MESD: variants seen among roughly 807,000 people sequenced by gnomAD.
MESD encodes the protein mesoderm development LRP chaperone, also known as LRP chaperone MESD.
In MESD, 7 loss-of-function variants were observed where a neutral mutation model predicts 12.9. The ratio of observed to expected loss-of-function variants is 0.54; its 90% confidence interval spans 0.31 to 1.02. The LOEUF (loss-of-function observed/expected upper bound fraction) is 1.02. Ranked by LOEUF, MESD falls within the 50% of genes least tolerant of loss-of-function variation. MESD has a pLI of 0.05. For synonymous variants in MESD, 126 were observed against 115.6 expected, an observed-to-expected ratio of 1.09 and a Z score of -0.58; for missense variants, 342 against 296.7, an observed-to-expected ratio of 1.15 and a Z score of -1.12.
chr15:80,962,693 C>T (rs1451636686), intron 3 of MESD, among the ~76,000 whole-genome samples: 3 of 152,158 alleles, frequency 2.0e-5, no homozygotes, highest in Admixed American at 1.3e-4. Context: ...CACTCAAAAC[C>T]GCACAACTAC....
At chr15:80,972,241 T>G (rs1657960170), downstream of MESD, among the ~76,000 whole-genome samples, 1 of 152,168 alleles carries the variant, frequency 6.6e-6, no homozygotes, top group African/African-American at 2.4e-5. Context: ...CTCTCAGAAT[T>G]CAAGGAAAAC....
At chr15:80,958,654 C>G (rs759895479) in intron 3 of MESD, among the ~76,000 whole-genome samples, 2 of 151,790 alleles carry the variant, frequency 1.3e-5, no homozygotes, top group Non-Finnish European at 2.9e-5. Context: ...TTTTTCATAT[C>G]CAAACACTCA....
At chr15:80,959,614 T>C (rs1231023732) in intron 3 of MESD, among the ~76,000 whole-genome samples, 1 of 152,206 alleles carries the variant, frequency 6.6e-6, no homozygotes, top group Non-Finnish European at 1.5e-5. Context: ...ACACCTGCCA[T>C]AACGGAGAAC....
rs371076353 is a variant in MESD at position 80,989,811 on chromosome 15, G to A, written c.-20C>T. 2.8e-3 allele frequency: 4,399 copies of A among 1,546,080 alleles called. 16 individuals are homozygous for A. The highest frequency in any genetic ancestry group is 3.2e-3 in the Non-Finnish European group (3,633 of 1,151,952). ...CGCCATTTTCGCTGCGCCGCGCAGC[G>A]CCCTAGACGCGCTTACCCGACCTGC... On this transcript the variant is annotated 5_prime_UTR_variant, in exon 1 of 3. Coordinates refer to ENST00000261758, the MANE Select transcript of MESD (RefSeq NM_015154.3).
At chr15:80,970,717 C>G (rs1902269317) in intron 3 of MESD, 2 of 152,162 alleles carry the variant, frequency 1.3e-5, no homozygotes, top group Admixed American at 6.5e-5. Context: ...AGATTTAAAT[C>G]AGAAAGTACT....
chr15:80,972,970 C>CAAGACTGCA (rs946191573), downstream of MESD, among the ~76,000 whole-genome samples: 64 of 152,090 alleles, frequency 4.2e-4, no homozygotes, highest in African/African-American at 1.5e-3. Context: ...TGCAGTGAGC[C>CAAGACTGCA]AAGACTGCAC....
chr15:80,965,753 T>A (rs1203760876), intron 3 of MESD, among the ~76,000 whole-genome samples: 1 of 152,050 alleles, frequency 6.6e-6, no homozygotes, highest in African/African-American at 2.4e-5. Context: ...AGCTGAATAA[T>A]GAGAACACAT....
intron 3 of MESD, among the ~76,000 whole-genome samples, chr15:80,969,779 C>T (rs1455330363): frequency 2.0e-5 from 3 of 152,124 alleles, no homozygotes; most frequent in Non-Finnish European, 2.9e-5. Flanking sequence ...CACTTGAATC[C>T]GGGAGGCGGA....
intron 4 of MESD, chr15:80,949,482 C>T (rs1299102258): frequency 2.2e-5 from 4 of 180,668 alleles, no homozygotes; most frequent in Non-Finnish European, 4.8e-5. Flanking sequence ...TGCCTCTGGC[C>T]GTGTCCACCT....
chr15:80,988,145 C>A (rs909822731), intron 1 of MESD, among the ~76,000 whole-genome samples: 21 of 152,188 alleles, frequency 1.4e-4, no homozygotes, highest in African/African-American at 5.1e-4. Flanking sequence ...AAAGAACTGG[C>A]TCTAAAAGTC....
intron 2 of MESD, 80 bp from the exon 3 acceptor site, chr15:80,979,557 T>G: frequency 6.8e-7 from 1 of 1,466,836 alleles, no homozygotes; most frequent in Non-Finnish European, 9.2e-7. Flanking sequence ...CTGGCACTTA[T>G]CAGTTTATTT....
intron 1 of MESD, among the ~76,000 whole-genome samples, chr15:80,983,587 G>A (rs1165210740): frequency 1.3e-5 from 2 of 152,164 alleles, no homozygotes; most frequent in African/African-American, 2.4e-5. Flanking sequence ...ATTAACAGAT[G>A]AGTAAACAGA....
chr15:80,970,137 A>T (rs1009952291), intron 3 of MESD, among the ~76,000 whole-genome samples: 3 of 152,348 alleles, frequency 2.0e-5, no homozygotes, highest in African/African-American at 7.2e-5. Flanking sequence ...TGTTAATTAA[A>T]ATAATAGCTG....
rs1036378913 is a variant in MESD at position 80,979,439 on chromosome 15, C to T, written c.485G>A (p.Arg162His). 1 of 1,614,156 alleles carries T rather than the reference C, an allele frequency of 6.2e-7. No individual in the cohort carries two copies. Among genetic ancestry groups the T allele is most frequent in the Non-Finnish European group, 8.5e-7 (1 of 1,180,036 alleles). ...VGSDRAIFML[R>H]DGSYAWEIKD... is the part of the protein sequence containing the mutation. The stretch of plus-strand genomic sequence containing the variant: ...GATCTCCCAGGCGTAGCTCCCATCG[C>T]GAAGCATGAAGATAGCACGGTCTGA... Residue 162 changes from arginine (R) to histidine (H), a missense_variant, in exon 3 of 3, where the codon CGC becomes CAC. Transcript: ENST00000261758.
At chr15:80,967,512 G>A (rs893075181) in intron 3 of MESD, among the ~76,000 whole-genome samples, 9 of 152,140 alleles carry the variant, frequency 5.9e-5, no homozygotes, top group Non-Finnish European at 1.0e-4. Flanking sequence ...TATAGAAGAG[G>A]TAAGGCCCAG....
At position 80,979,164 on chromosome 15, in the gene MESD, G is replaced by T; in HGVS notation, c.*55C>A. ...GAGACCACTCCCACCCCAGGAGCTG[G>T]GCAAAGAGCTCTCCACGTCCACCTG... On this transcript the variant is annotated 3_prime_UTR_variant, in exon 3 of 3. Transcript: ENST00000261758. The T allele has an allele frequency of 6.4e-7, 1 of 1,569,810 alleles. No homozygotes were observed.
intron 3 of MESD, among the ~76,000 whole-genome samples, chr15:80,960,825 T>A (rs1902071912): frequency 1.3e-5 from 2 of 152,196 alleles, no homozygotes; most frequent in Admixed American, 1.3e-4. Flanking sequence ...CTGCCCTGTT[T>A]AAGGCCCCAA....
downstream of MESD, among the ~76,000 whole-genome samples, chr15:80,974,326 T>C (rs542176035): frequency 6.6e-6 from 1 of 151,940 alleles, no homozygotes; most frequent in Non-Finnish European, 1.5e-5. Flanking sequence ...TAGGAAAAGC[T>C]GTGTCTGCCT....
At chr15:80,967,772 C>T (rs1902203018) in intron 3 of MESD, among the ~76,000 whole-genome samples, 2 of 152,240 alleles carry the variant, frequency 1.3e-5, no homozygotes, top group Non-Finnish European at 2.9e-5. Flanking sequence ...GGAAACTTCA[C>T]CTCAGAAACT....
Sources: gnomAD v4.1 joint callset for allele counts (sites outside exome capture counted in the v4.1 genomes callset) on GRCh38, gnomAD v4.1.1 for gene constraint, MANE v1.5 for transcripts, NCBI Gene and HGNC (gene_info 2026-07-23, HGNC 2026-07-21) for gene names.